Variants in CACNA1D observed in about 807,000 individuals in gnomAD.
The protein encoded by CACNA1D is voltage-dependent L-type calcium channel subunit alpha-1D.
CACNA1D carries 55 observed loss-of-function variants against 257.1 expected under a neutral mutation model. The ratio of observed to expected loss-of-function variants is 0.21; its 90% CI spans 0.17 to 0.27. CACNA1D has a LOEUF of 0.27. Among genes scored for constraint, CACNA1D ranks in the 10% least tolerant of loss-of-function variants. The pLI is 1.00. For synonymous variants in CACNA1D, 980 were observed against 1,014.9 expected, an observed-to-expected ratio of 0.97 and a Z score of 0.65; for missense variants, 1,876 against 2,784.0, an observed-to-expected ratio of 0.67 and a Z score of 7.34.
intron 9 of CACNA1D, among the ~76,000 whole-genome samples, 157 bp from the exon 10 acceptor site, chr3:53,718,144 C>G (rs1332346288): frequency 6.6e-6 from 1 of 152,200 alleles, no homozygotes. Context: ...TGCCTGGCTC[C>G]TTGGCACTCC....
intron 3 of CACNA1D, among the ~76,000 whole-genome samples, chr3:53,511,612 G>T (rs970108745): frequency 2.0e-5 from 3 of 152,108 alleles, no homozygotes; most frequent in African/African-American, 7.2e-5. Flanking sequence ...TTAAACTGTG[G>T]TATAATGAAA....
chr3:53,771,021 C>T (rs2095363403), intron 32 of CACNA1D, among the ~76,000 whole-genome samples: 1 of 152,214 alleles, frequency 6.6e-6, no homozygotes, highest in South Asian at 2.1e-4. Flanking sequence ...TTATCCTGCA[C>T]CTGGAAGGGT....
chr3:53,525,901 C>T (rs143132487), intron 3 of CACNA1D, among the ~76,000 whole-genome samples: 157 of 152,286 alleles, frequency 1.0e-3, no homozygotes, highest in Non-Finnish European at 1.9e-3. Flanking sequence ...GGAGTCAGCT[C>T]AGGCGCTCAA....
intron 3 of CACNA1D, among the ~76,000 whole-genome samples, chr3:53,550,037 G>T (rs1343424050): frequency 6.6e-6 from 1 of 152,194 alleles, no homozygotes; most frequent in Admixed American, 6.5e-5. Context: ...GAGCTGCTGG[G>T]AGGAAGAGAT....
intron 3 of CACNA1D, among the ~76,000 whole-genome samples, chr3:53,572,374 GTTTATTTA>G (rs200926153): frequency 0.019 from 2,744 of 141,612 alleles, 65 homozygotes; most frequent in African/African-American, 0.063. Flanking sequence ...TTGTTTGTTT[GTTTATTTA>G]TTTATTTATT....
At chr3:53,507,072 C>CAAAAAAAAAAA (rs781421977) in intron 3 of CACNA1D, among the ~76,000 whole-genome samples, 5 of 56,694 alleles carry the variant, frequency 8.8e-5, no homozygotes, top group East Asian at 5.1e-4. Context: ...GACTCTATCT[C>CAAAAAAAAAAA]AAAAAAAAAA....
At chr3:53,671,853 T>C (rs1453621210) in intron 7 of CACNA1D, among the ~76,000 whole-genome samples, 1 of 152,228 alleles carries the variant, frequency 6.6e-6, no homozygotes, top group Non-Finnish European at 1.5e-5. Flanking sequence ...AGCACATGCT[T>C]AACACCCTAA....
chr3:53,807,508 C>A (rs536187937), intron 45 of CACNA1D: 2 of 152,384 alleles, frequency 1.3e-5, no homozygotes, highest in South Asian at 4.1e-4. Flanking sequence ...TTTCCAATAG[C>A]GGAATGAGGG....
At chr3:53,498,438 G>A (rs1437473646) in intron 2 of CACNA1D, among the ~76,000 whole-genome samples, 1 of 152,156 alleles carries the variant, frequency 6.6e-6, no homozygotes, top group Non-Finnish European at 1.5e-5. Context: ...GTTGACTGAG[G>A]CCTTCTTTCT....
chr3:53,782,264 G>GTTTATATATATATATA (rs6147823), intron 39 of CACNA1D: 1 of 75,446 alleles, frequency 1.3e-5, no homozygotes, highest in Non-Finnish European at 2.2e-5. Context: ...GTGTGTGTGT[G>GTTTATATATATATATA]TATATATATA....
chr3:53,779,205 G>A (rs7617553), intron 37 of CACNA1D, among the ~76,000 whole-genome samples: 98,646 of 151,984 alleles, frequency 0.65, 32,433 homozygotes, highest in Middle Eastern at 0.71. Flanking sequence ...ATTGAGATTA[G>A]TGAAAAAAAG....
intron 3 of CACNA1D, among the ~76,000 whole-genome samples, chr3:53,540,141 C>T (rs1015259423): frequency 4.6e-5 from 7 of 151,220 alleles, no homozygotes; most frequent in South Asian, 2.1e-4. Flanking sequence ...ATTTTTGAGA[C>T]GGAGTCTCAC....
intron 3 of CACNA1D, among the ~76,000 whole-genome samples, chr3:53,535,150 G>A (rs962228426): frequency 6.6e-5 from 10 of 152,174 alleles, no homozygotes; most frequent in South Asian, 2.1e-4. Context: ...TGCATGCCAC[G>A]TCTTTATTAT....
At chr3:53,715,134 A>G (rs2094804973) in intron 9 of CACNA1D, among the ~76,000 whole-genome samples, 2 of 152,166 alleles carry the variant, frequency 1.3e-5, no homozygotes, top group African/African-American at 2.4e-5. Flanking sequence ...GGCCCTGGTC[A>G]GAGTGCGTTT....
chr3:53,648,829 A>ACAC (rs2094052865), intron 3 of CACNA1D, among the ~76,000 whole-genome samples: 17 of 146,752 alleles, frequency 1.2e-4, no homozygotes, highest in African/African-American at 2.8e-4. Flanking sequence ...TAACTCTCAA[A>ACAC]ACACACACAC....
intron 3 of CACNA1D, among the ~76,000 whole-genome samples, chr3:53,593,073 C>G (rs1425544498): frequency 6.6e-6 from 1 of 152,154 alleles, no homozygotes; most frequent in Admixed American, 6.5e-5. Flanking sequence ...TTAACATATT[C>G]ACGCCTTTTT....
At chr3:53,590,740 G>A (rs555962706) in intron 3 of CACNA1D, among the ~76,000 whole-genome samples, 4 of 152,248 alleles carry the variant, frequency 2.6e-5, no homozygotes, top group East Asian at 3.9e-4. Flanking sequence ...GCACCCTCTC[G>A]TTTCCTCATG....
chr3:53,509,804 C>G (rs1348173977), intron 3 of CACNA1D, among the ~76,000 whole-genome samples: 1 of 152,228 alleles, frequency 6.6e-6, no homozygotes, highest in Non-Finnish European at 1.5e-5. Context: ...CTTCTGAGGG[C>G]TGACGCTGAA....
At chr3:53,752,323 A>G (rs1450834377) in intron 28 of CACNA1D, among the ~76,000 whole-genome samples, 2 of 152,166 alleles carry the variant, frequency 1.3e-5, no homozygotes, top group Non-Finnish European at 2.9e-5. Context: ...TTATCAGTAA[A>G]ATGGGGAAAT....
Sources: allele counts gnomAD v4.1 joint callset (sites outside exome capture counted in the v4.1 genomes callset), GRCh38; gene constraint gnomAD v4.1.1; transcripts MANE v1.5; gene names NCBI Gene and HGNC (gene_info 2026-07-23, HGNC 2026-07-21).